The following EPC2 variants were observed in gnomAD, a reference collection of about 807,000 sequenced individuals.
The protein encoded by EPC2 is enhancer of polycomb 2.
A neutral mutation model predicts 92.1 loss-of-function variants in EPC2; 14 were observed. That is an observed-to-expected ratio of 0.15 (90% confidence interval 0.10 to 0.24). The LOEUF is 0.24. Ranked by LOEUF, EPC2 falls within the 10% of genes least tolerant of loss-of-function variation. EPC2 has a pLI of 1.00. For synonymous variants in EPC2, 340 were observed against 334.7 expected, an observed-to-expected ratio of 1.02 and a Z score of -0.17; for missense variants, 755 against 971.5, an observed-to-expected ratio of 0.78 and a Z score of 2.96.
chr2:148,645,325 T>C, intron 1 of EPC2, 155 bp downstream of exon 1: 1 of 648,216 alleles, frequency 1.5e-6, no homozygotes, highest in Non-Finnish European at 2.5e-6. Context: ...GCGTAAACCC[T>C]CTCGGCCGGC....
chr2:148,654,340 A>T (rs976342096), intron 1 of EPC2, among the ~76,000 whole-genome samples: 2 of 152,230 alleles, frequency 1.3e-5, no homozygotes, highest in Non-Finnish European at 2.9e-5. Context: ...GATAACAAAT[A>T]TGAAGGTTGA....
intron 4 of EPC2, among the ~76,000 whole-genome samples, chr2:148,756,055 A>C (rs1236893280): frequency 6.6e-6 from 1 of 152,238 alleles, no homozygotes. Flanking sequence ...GCATATTGAC[A>C]ATATTTTCTG....
intron 1 of EPC2, 44 bp downstream of exon 1, chr2:148,645,214 C>T (rs1683768834): frequency 6.0e-6 from 9 of 1,490,630 alleles, no homozygotes; most frequent in African/African-American, 1.4e-5. Context: ...CTCCTCCCCC[C>T]TCCCCTTTGT....
At chr2:148,684,713 A>G (rs546637547) in intron 1 of EPC2, among the ~76,000 whole-genome samples, 10 of 152,310 alleles carry the variant, frequency 6.6e-5, no homozygotes, top group East Asian at 5.8e-4. Context: ...GTGAACCCCT[A>G]TGCCTACTTA....
chr2:148,699,982 A>T (rs1001989092), intron 2 of EPC2, among the ~76,000 whole-genome samples: 1 of 152,082 alleles, frequency 6.6e-6, no homozygotes, highest in Admixed American at 6.6e-5. Flanking sequence ...ATAACATAAG[A>T]TGTTGATCAC....
chr2:148,679,695 G>C (rs964888296), intron 1 of EPC2, among the ~76,000 whole-genome samples: 1 of 152,138 alleles, frequency 6.6e-6, no homozygotes, highest in African/African-American at 2.4e-5. Flanking sequence ...TCCCAGGCTG[G>C]AGTGCCGTGT....
intron 2 of EPC2, among the ~76,000 whole-genome samples, chr2:148,702,117 A>T (rs962930607): frequency 2.6e-5 from 4 of 151,578 alleles, no homozygotes; most frequent in African/African-American, 9.7e-5. Flanking sequence ...CTTAGAGATT[A>T]TTCAGTGTTA....
intron 2 of EPC2, among the ~76,000 whole-genome samples, chr2:148,695,778 G>C (rs1253460118): frequency 6.6e-6 from 1 of 152,130 alleles, no homozygotes; most frequent in Non-Finnish European, 1.5e-5. Context: ...AAATACTATT[G>C]GATGTGTATT....
intron 2 of EPC2, among the ~76,000 whole-genome samples, chr2:148,708,609 A>G (rs934949905): frequency 7.2e-5 from 11 of 152,354 alleles, no homozygotes; most frequent in Middle Eastern, 3.4e-3. Context: ...AATACTGGCA[A>G]ACTGAATTGA....
In EPC2 at chr2:148,770,875, A is replaced by G. The variant is rs774442889; in HGVS notation, c.1314A>G (p.Thr438=). ...LDKLRYRHCL[T]TLTVPRRCIG... Reference sequence around the variant, plus strand: ...AGTTGAGGTATAGGCATTGCCTTACAACACTTACAGTCCCAAGAAGATGTA... The same window carrying G: ...AGTTGAGGTATAGGCATTGCCTTACGACACTTACAGTCCCAAGAAGATGTA... Residue 438 remains threonine (T), a synonymous_variant, in exon 9 of 14, where the codon ACA becomes ACG. Coordinates refer to ENST00000258484, the MANE Select transcript of EPC2 (RefSeq NM_015630.4). 9 of 1,613,776 alleles carry G rather than the reference A, an allele frequency of 5.6e-6. No homozygotes were observed. In the South Asian group the frequency reaches 8.8e-5, roughly 16 times the overall value.
chr2:148,677,326 C>G (rs942960324), intron 1 of EPC2, among the ~76,000 whole-genome samples: 1 of 152,176 alleles, frequency 6.6e-6, no homozygotes, highest in Non-Finnish European at 1.5e-5. Context: ...CATCTGCCAA[C>G]TCTCTTAACA....
chr2:148,647,619 CTTTTTTTTTT>C lies in EPC2; in HGVS notation c.153+2467_153+2476del, dbSNP rs55731814. Among the ~76,000 whole-genome samples the C allele has an allele frequency of 6.1e-4, 39 of 63,744 alleles. No individual in the cohort carries two copies. The South Asian group carries it at 0.024, about 39-fold the overall frequency. The allele number at this position is 63,744 out of a possible 152,430, so 41.8% of individuals were successfully genotyped here. The stretch of plus-strand genomic sequence containing the variant: ...ACTGCGCCTGGCCGCGCCTTGCAGA[CTTTTTTTTTT>C]TTTTTTTTTTTTTTTTTAATTTATT... On this transcript the variant is annotated intron_variant, in intron 1 of 13. Transcript: ENST00000258484.
intron 10 of EPC2, among the ~76,000 whole-genome samples, chr2:148,773,715 A>G (rs1207396601): frequency 2.6e-5 from 4 of 152,146 alleles, no homozygotes; most frequent in Non-Finnish European, 5.9e-5. Context: ...TTTTAAAATA[A>G]TTGAAACCAT....
intron 4 of EPC2, among the ~76,000 whole-genome samples, chr2:148,760,951 G>T (rs1346120122): frequency 6.6e-6 from 1 of 152,194 alleles, no homozygotes; most frequent in African/African-American, 2.4e-5. Context: ...ATAGATTGGA[G>T]AGGTGGTAGT....
chr2:148,649,005 C>T (rs1316193072), intron 1 of EPC2, among the ~76,000 whole-genome samples: 8 of 152,168 alleles, frequency 5.3e-5, no homozygotes, highest in Non-Finnish European at 1.5e-5. Context: ...AAGTACTGTA[C>T]ACTTATGTTT....
chr2:148,775,864 G>T (rs750820706), intron 10 of EPC2, among the ~76,000 whole-genome samples: 2 of 134,234 alleles, frequency 1.5e-5, no homozygotes, highest in African/African-American at 5.6e-5. Context: ...TGCAAGCTCT[G>T]CCTCCCGGGT....
intron 3 of EPC2, among the ~76,000 whole-genome samples, chr2:148,752,103 T>G (rs1031421032): frequency 6.6e-6 from 1 of 152,164 alleles, no homozygotes; most frequent in Admixed American, 6.5e-5. Flanking sequence ...GAAGCAATGT[T>G]AAACCTGAGT....
At chr2:148,690,474 C>A in intron 2 of EPC2, 101 bp downstream of exon 2, 1 of 1,057,106 alleles carries the variant, frequency 9.5e-7, no homozygotes, top group Non-Finnish European at 1.4e-6. Context: ...TTAATTCATA[C>A]ACACTGATTA....
intron 1 of EPC2, among the ~76,000 whole-genome samples, chr2:148,670,238 T>A (rs1202190565): frequency 6.6e-6 from 1 of 152,218 alleles, no homozygotes; most frequent in African/African-American, 2.4e-5. Context: ...CTGGCCTTCA[T>A]TGCCTGATGT....
Sources: gnomAD v4.1 joint callset for allele counts (sites outside exome capture counted in the v4.1 genomes callset) on GRCh38, gnomAD v4.1.1 for gene constraint, MANE v1.5 for transcripts, NCBI Gene and HGNC (gene_info 2026-07-23, HGNC 2026-07-21) for gene names.